The following MALRD1 variants were observed in gnomAD, a reference collection of about 807,000 sequenced individuals.
The protein encoded by MALRD1 is MAM and LDL-receptor class A domain-containing protein 1.
MALRD1 carries 247 observed loss-of-function variants against 242.1 expected under a neutral mutation model. The observed-to-expected ratio is 1.02, with a 90% confidence interval of 0.92 to 1.13. The LOEUF (loss-of-function observed/expected upper bound fraction) is 1.13, where lower values mean the gene tolerates loss of function less well. Ranked by LOEUF, MALRD1 falls within the 50% of genes most tolerant of loss-of-function variation. The probability of loss-of-function intolerance (pLI) is 0.00; values close to 1 mark genes in which losing one functional copy is unlikely to be tolerated. For synonymous variants in MALRD1, 995 were observed against 866.6 expected (o/e 1.15, Z -2.60); for missense variants, 2,989 against 2,533.1 (o/e 1.18, Z -3.86).
chr10:19,257,248 G>A (rs1839555729), intron 18 of MALRD1, among the ~76,000 whole-genome samples: 1 of 152,036 alleles, frequency 6.6e-6, no homozygotes, highest in South Asian at 2.1e-4. Flanking sequence ...ATCCTAGCAA[G>A]TAACTCTGGT....
At chr10:19,098,666 T>C (rs1836134175) in intron 4 of MALRD1, among the ~76,000 whole-genome samples, 1 of 152,182 alleles carries the variant, frequency 6.6e-6, no homozygotes, top group Non-Finnish European at 1.5e-5. Flanking sequence ...TTTTAATGTT[T>C]ATACTCACTC....
At chr10:19,125,341 CTTTCTT>C (rs1837238952) in intron 7 of MALRD1, among the ~76,000 whole-genome samples, 1 of 89,284 alleles carries the variant, frequency 1.1e-5, no homozygotes, top group Non-Finnish European at 2.2e-5. Context: ...TTCTTTCTTT[CTTTCTT>C]TCTTTCTTTC....
chr10:19,592,043 T>C (rs1837816113), intron 33 of MALRD1, among the ~76,000 whole-genome samples: 1 of 152,204 alleles, frequency 6.6e-6, no homozygotes, highest in South Asian at 2.1e-4. Context: ...GGAAGCAAAG[T>C]CATGTTCACC....
At chr10:19,682,516 C>T (rs568352264) in intron 36 of MALRD1, among the ~76,000 whole-genome samples, 1 of 152,112 alleles carries the variant, frequency 6.6e-6, no homozygotes, top group African/African-American at 2.4e-5. Context: ...ATGAATGGAG[C>T]GGGATGTTTA....
In MALRD1 at chr10:19,595,267, T is replaced by C. The variant is rs1838025140; in HGVS notation, c.5754T>C (p.Pro1918=). 3.2e-6 allele frequency: 5 copies of C among 1,550,692 alleles called. No homozygotes were observed. Residue 1918 remains proline, a synonymous_variant, in exon 34 of 40, where the codon CCT becomes CCC. Transcript: ENST00000454679. The part of the protein sequence containing the change: ...FSCIYTLQCV[P]LSGKCDGHED... ...GTATCTACACACTCCAATGTGTCCC[T>C]CTCTCAGGGAAATGTGATGGACATG...
chr10:19,667,374 T>TA, intron 36 of MALRD1, among the ~76,000 whole-genome samples: 1 of 152,310 alleles, frequency 6.6e-6, no homozygotes, highest in Non-Finnish European at 1.5e-5. Flanking sequence ...TCCAGTGTTT[T>TA]AGTCCTTTGG....
intron 32 of MALRD1, among the ~76,000 whole-genome samples, chr10:19,538,901 G>A (rs1186369836): frequency 6.6e-6 from 1 of 152,082 alleles, no homozygotes; most frequent in Non-Finnish European, 1.5e-5. Context: ...CTATGGTGTT[G>A]AAATGGTCTC....
chr10:19,408,466 T>G lies in MALRD1; in HGVS notation c.4845+18857T>G, dbSNP rs12267315. The stretch of plus-strand genomic sequence containing the variant: ...TCAGATTTGACTCTCCTTTGAGTTT[T>G]TTAAAGGAGTCATATATTCTATCCT... On this transcript the variant is annotated intron_variant, in intron 28 of 39. Coordinates refer to ENST00000454679, the MANE Select transcript of MALRD1 (RefSeq NM_001142308.3). 5.5e-3 allele frequency among the ~76,000 whole-genome samples: 844 copies of G among 152,308 alleles called. 5 individuals carry two copies. Among genetic ancestry groups the G allele is most frequent in the African/African-American group, 0.02 (815 of 41,548 alleles).
chr10:19,694,221 C>T lies in MALRD1; in HGVS notation c.6314+1667C>T, dbSNP rs535097733. On this transcript the variant is annotated intron_variant, in intron 38 of 39. Coordinates refer to ENST00000454679, the MANE Select transcript of MALRD1 (RefSeq NM_001142308.3). ...CAATGGCAACAAAAGCCAAAATTGA[C>T]AAATGGGATCTAATTAAACTAAAGA... Among the ~76,000 whole-genome samples the T allele has an allele frequency of 1.1e-4, 16 of 152,280 alleles. No individual in the cohort carries two copies. The South Asian group carries it at 3.3e-3, about 32-fold the overall frequency.
At chr10:19,666,905 A>T (rs1179308952) in intron 36 of MALRD1, among the ~76,000 whole-genome samples, 4 of 152,176 alleles carry the variant, frequency 2.6e-5, no homozygotes, top group Non-Finnish European at 4.4e-5. Flanking sequence ...TGAGTGGAAG[A>T]GCTAGAACTT....
At chr10:19,734,107 T>C in intron 39 of MALRD1, 50 bp from the exon 40 acceptor site, 1 of 1,412,440 alleles carries the variant, frequency 7.1e-7, no homozygotes, top group African/African-American at 1.4e-5. Context: ...AGAGTTTTCT[T>C]ATCTTAATGC....
intron 28 of MALRD1, among the ~76,000 whole-genome samples, chr10:19,395,809 C>A (rs927228059): frequency 2.0e-5 from 3 of 152,142 alleles, no homozygotes; most frequent in Non-Finnish European, 4.4e-5. Flanking sequence ...TGAGATTTTT[C>A]TTTTAAACTT....
intron 35 of MALRD1, among the ~76,000 whole-genome samples, chr10:19,613,356 C>A (rs1414951157): frequency 6.6e-6 from 1 of 151,980 alleles, no homozygotes; most frequent in Non-Finnish European, 1.5e-5. Flanking sequence ...TAAAATATAA[C>A]ATTATCTTTT....
At chr10:19,272,718 T>A (rs995657476) in intron 19 of MALRD1, among the ~76,000 whole-genome samples, 1 of 152,062 alleles carries the variant, frequency 6.6e-6, no homozygotes, top group African/African-American at 2.4e-5. Context: ...GTGTGTAATA[T>A]TCCCCTCCTT....
At chr10:19,510,830 A>G (rs1833370564) in intron 31 of MALRD1, among the ~76,000 whole-genome samples, 1 of 152,176 alleles carries the variant, frequency 6.6e-6, no homozygotes, top group Non-Finnish European at 1.5e-5. Flanking sequence ...CAAAAAATAA[A>G]CCAGAAGTGG....
intron 29 of MALRD1, among the ~76,000 whole-genome samples, chr10:19,459,751 T>A (rs1166788457): frequency 6.6e-6 from 1 of 151,572 alleles, no homozygotes; most frequent in Non-Finnish European, 1.5e-5. Flanking sequence ...GTTAAAAAGG[T>A]CTATATTTAA....
chr10:19,387,502 T>A (rs1379836925), intron 26 of MALRD1, 26 bp from the exon 27 acceptor site: 1 of 1,544,930 alleles, frequency 6.5e-7, no homozygotes, highest in Middle Eastern at 1.7e-4. Flanking sequence ...GTTCGCTCAT[T>A]CTTGTTTTCT....
At chr10:19,449,070 A>G (rs1835163088) in intron 28 of MALRD1, among the ~76,000 whole-genome samples, 1 of 152,226 alleles carries the variant, frequency 6.6e-6, no homozygotes, top group South Asian at 2.1e-4. Flanking sequence ...CTAGAAACCC[A>G]AGGCCTCAGT....
At chr10:19,240,018 T>C (rs1473283239) in intron 18 of MALRD1, among the ~76,000 whole-genome samples, 2 of 152,128 alleles carry the variant, frequency 1.3e-5, no homozygotes, top group Non-Finnish European at 2.9e-5. Flanking sequence ...AGGGTACTTT[T>C]TTCTGTTTCT....
Sources: allele counts gnomAD v4.1 joint callset (sites outside exome capture counted in the v4.1 genomes callset), GRCh38; gene constraint gnomAD v4.1.1; transcripts MANE v1.5; gene names NCBI Gene and HGNC (gene_info 2026-07-23, HGNC 2026-07-21).